Variants in SWI5 observed in about 807,000 individuals in gnomAD.
The protein encoded by SWI5 is SWI5 homologous recombination repair protein, also known as DNA repair protein SWI5 homolog.
In SWI5, 12 loss-of-function variants were observed where a neutral mutation model predicts 17.0. The observed-to-expected ratio is 0.71, with a 90% CI of 0.45 to 1.14. The LOEUF (loss-of-function observed/expected upper bound fraction) is 1.14, where lower values mean the gene tolerates loss of function less well. Among genes scored for constraint, SWI5 ranks in the 50% most tolerant of loss-of-function variants. The pLI, the probability that SWI5 is intolerant of heterozygous loss-of-function variation, is 0.00. For synonymous variants in SWI5, 61 were observed against 64.0 expected, an observed-to-expected ratio of 0.95 and a Z score of 0.22; for missense variants, 158 against 162.2, an observed-to-expected ratio of 0.97 and a Z score of 0.14.
At chr9:128,288,927 C>T (rs1175893786) in exon 5 of SWI5, 2 of 594,202 alleles carry the variant, frequency 3.4e-6, no homozygotes, top group Non-Finnish European at 3.0e-6. Flanking sequence ...CCTGAAATGT[C>T]GCAGTGATAC....
intron 2 of SWI5, among the ~76,000 whole-genome samples, chr9:128,281,492 AT>A (rs1406560443): frequency 3.3e-5 from 5 of 152,188 alleles, no homozygotes; most frequent in Non-Finnish European, 7.3e-5. Flanking sequence ...GAGAAGCCTT[AT>A]CCCCACTTCT....
chr9:128,276,751 C>A (rs549025884), exon 2 of SWI5: 3 of 1,611,890 alleles, frequency 1.9e-6, no homozygotes, highest in Admixed American at 1.7e-5. Flanking sequence ...GCCTTCCGAT[C>A]CCCTGTGAGT....
intron 2 of SWI5, among the ~76,000 whole-genome samples, chr9:128,278,141 G>C (rs1304096661): frequency 6.6e-6 from 1 of 151,826 alleles, no homozygotes; most frequent in Non-Finnish European, 1.5e-5. Flanking sequence ...TTTCAGTAGA[G>C]ACAAATTTTC....
intron 1 of SWI5, 26 bp from the exon 2 acceptor site, chr9:128,276,681 G>C: frequency 6.2e-7 from 1 of 1,613,940 alleles, no homozygotes; most frequent in Non-Finnish European, 8.5e-7. Context: ...GGTCCAATCA[G>C]ACTTTCCCCT....
intron 2 of SWI5, among the ~76,000 whole-genome samples, chr9:128,280,573 A>G (rs988561808): frequency 1.3e-5 from 2 of 150,890 alleles, no homozygotes; most frequent in African/African-American, 4.9e-5. Context: ...GCTGGAGTAC[A>G]GTGGTGCAAT....
chr9:128,284,778 A>T, intron 3 of SWI5, 147 bp downstream of exon 3: 5 of 944,680 alleles, frequency 5.3e-6, no homozygotes, highest in Non-Finnish European at 7.5e-6. Context: ...CAACATGGCA[A>T]AACCCTGTCT....
chr9:128,285,949 G>A lies in SWI5; in HGVS notation c.244G>A (p.Val82Met). 1.2e-6 allele frequency: 2 copies of A among 1,613,822 alleles called. No homozygotes were observed. Among genetic ancestry groups the A allele is most frequent in the Non-Finnish European group, 1.7e-6 (2 of 1,179,686 alleles). ...CATCGCTTATCCCAGAGGCTACAGTGTGGATGAACTGGAGGACCACATTAC... is the reference window on the plus strand; with the variant it reads ...CATCGCTTATCCCAGAGGCTACAGTATGGATGAACTGGAGGACCACATTAC... Residue 82 changes from valine (V) to methionine (M), a missense_variant, in exon 4 of 5, where the codon GTG (valine) becomes ATG (methionine). Val to Met is a conservative substitution (Grantham distance 21). Coordinates refer to ENST00000418976, the Ensembl canonical transcript of SWI5. The surrounding 1 kb of genome is among the most constrained non-coding windows in gnomAD (Gnocchi z 4.8).
At chr9:128,284,953 C>CT (rs1453377374) in intron 3 of SWI5, among the ~76,000 whole-genome samples, 6 of 82,170 alleles carry the variant, frequency 7.3e-5, no homozygotes, top group Non-Finnish European at 1.3e-4. Flanking sequence ...GAGAATCTGT[C>CT]TTTAAAAAAA....
intron 4 of SWI5, among the ~76,000 whole-genome samples, chr9:128,287,834 T>A (rs1306014206): frequency 6.6e-6 from 1 of 152,044 alleles, no homozygotes; most frequent in Non-Finnish European, 1.5e-5. Flanking sequence ...AGTGCTGAGA[T>A]TATAGGCTGA....
rs907016276 is a variant in SWI5 at position 128,284,392 on chromosome 9, T to A, written c.112-118T>A. On this transcript the variant is annotated intron_variant, in intron 2 of 4. Coordinates refer to ENST00000418976, the Ensembl canonical transcript of SWI5. ...AGGAAGGCTTGGAAATGCAGTCTTA[T>A]TGAGGGGGTTAGGGTGCCTATTAGC... The A allele has an allele frequency of 1.3e-5, 15 of 1,198,140 alleles. No homozygotes were observed. In the Admixed American group the frequency reaches 3.3e-4, roughly 26 times the overall value. The allele number at this position is 1,198,140 out of a possible 1,614,324, so 74.2% of individuals were successfully genotyped here. A position where few individuals can be genotyped will look rare whatever the true frequency, so the allele number is the denominator to read the frequency against.
At chr9:128,276,040 A>G, upstream of SWI5, 1 of 1,588,362 alleles carries the variant, frequency 6.3e-7, no homozygotes. Context: ...CGACGGAGCC[A>G]GAGGAGGCGT....
chr9:128,278,761 G>C, intron 2 of SWI5: 1 of 429,808 alleles, frequency 2.3e-6, no homozygotes, highest in South Asian at 1.7e-5. Flanking sequence ...AAACTGAGTT[G>C]TTTTTGGTTT....
intron 2 of SWI5, among the ~76,000 whole-genome samples, chr9:128,279,242 C>G (rs960097150): frequency 1.9e-4 from 29 of 152,142 alleles, no homozygotes; most frequent in African/African-American, 7.0e-4. Flanking sequence ...CCCTACGGGG[C>G]TTGGTGGGCG....
At chr9:128,275,507 A>G, upstream of SWI5, 1 of 1,309,866 alleles carries the variant, frequency 7.6e-7, no homozygotes, top group Non-Finnish European at 9.8e-7. Context: ...GTGAGGGTCG[A>G]GTCTGGAGCG....
chr9:128,284,355 C>T (rs1323020672), intron 2 of SWI5, among the ~76,000 whole-genome samples, 155 bp from the exon 3 acceptor site: 4 of 150,428 alleles, frequency 2.7e-5, no homozygotes, highest in Non-Finnish European at 5.9e-5. Context: ...CATAGGGCCA[C>T]ATCTAATTCC....
chr9:128,284,003 T>A (rs1182946296), intron 2 of SWI5, among the ~76,000 whole-genome samples: 4 of 146,206 alleles, frequency 2.7e-5, no homozygotes, highest in African/African-American at 1.0e-4. Context: ...AAAAAAAAAA[T>A]GTTGTGGGGT....
chr9:128,281,133 G>A (rs555074358), intron 2 of SWI5, among the ~76,000 whole-genome samples: 1 of 140,892 alleles, frequency 7.1e-6, no homozygotes, highest in South Asian at 2.2e-4. Flanking sequence ...CACCTCCCAG[G>A]TTCAAGGGAT....
intron 1 of SWI5, 97 bp from the exon 2 acceptor site, chr9:128,276,610 T>TA: frequency 6.2e-7 from 1 of 1,611,646 alleles, no homozygotes; most frequent in African/African-American, 1.3e-5. Flanking sequence ...CTGGCGCTCC[T>TA]ACTTCCCAAC....
rs78375359 is a variant in SWI5 at position 128,276,781 on chromosome 9, C to G, written c.111+26C>G. 9,525 of 1,590,300 alleles carry G rather than the reference C, an allele frequency of 6.0e-3. 40 individuals are homozygous for G. Among genetic ancestry groups the G allele is most frequent in the Non-Finnish European group, 7.4e-3 (8,578 of 1,164,382 alleles). On this transcript the variant is annotated intron_variant, in intron 2 of 4. Coordinates refer to ENST00000418976, the Ensembl canonical transcript of SWI5. ...GTGAGTATTTCTTCCCCCACACCCC[C>G]TTTCCCATCCTCGACCTTCCCTTGT...
Sources: allele counts gnomAD v4.1 joint callset (sites outside exome capture counted in the v4.1 genomes callset), GRCh38; gene constraint gnomAD v4.1.1; non-coding constraint Gnocchi (gnomAD v3.1); transcripts MANE v1.5; gene names NCBI Gene and HGNC (gene_info 2026-07-23, HGNC 2026-07-21).